The following MTHFD1L variants were observed in gnomAD, a reference collection of about 807,000 sequenced individuals.
The protein encoded by MTHFD1L is methylenetetrahydrofolate dehydrogenase (NADP+ dependent) 1 like.
Under a neutral mutation model 119.5 loss-of-function variants are expected in MTHFD1L, and 81 were observed. The ratio of observed to expected loss-of-function variants is 0.68; its 90% CI spans 0.57 to 0.82. The LOEUF (loss-of-function observed/expected upper bound fraction) is 0.82, where lower values mean the gene tolerates loss of function less well. Among genes scored for constraint, MTHFD1L ranks in the 40% least tolerant of loss-of-function variants. MTHFD1L has a pLI of 0.00. For synonymous variants in MTHFD1L, 430 were observed against 475.2 expected, an observed-to-expected ratio of 0.90 and a Z score of 1.24; for missense variants, 1,125 against 1,253.4, an observed-to-expected ratio of 0.90 and a Z score of 1.55.
intron 26 of MTHFD1L, among the ~76,000 whole-genome samples, chr6:151,047,982 AAG>A (rs1363401890): frequency 4.6e-5 from 7 of 152,270 alleles, no homozygotes; most frequent in Admixed American, 2.0e-4. Context: ...GGCGGCAGGA[AAG>A]AGAGAGAGTG....
Position 151,039,270 on chromosome 6 carries a change from T to C in MTHFD1L, c.2847+2153T>C, listed in dbSNP as rs1234392371. On this transcript the variant is annotated intron_variant, in intron 26 of 27. Transcript: ENST00000367321. The surrounding 1 kb of genome is among the most constrained non-coding windows in gnomAD (Gnocchi z 4.4). ...GGGAGAAGGGCCTGGATGAAATGGGTTCTGAATGACATTTTCAGGTCTACA... is the reference window on the plus strand; with the variant it reads ...GGGAGAAGGGCCTGGATGAAATGGGCTCTGAATGACATTTTCAGGTCTACA... 6.6e-6 allele frequency among the ~76,000 whole-genome samples: 1 copy of C among 152,108 alleles called. No homozygotes were observed. The highest frequency in any genetic ancestry group is 1.5e-5 in the Non-Finnish European group (1 of 68,014).
rs768864281 is a variant in MTHFD1L, at chr6:150,887,918, G to C, written c.717G>C (p.Leu239=). The change falls in exon 7 of 28, where the codon CTG becomes CTC. Residue 239 remains leucine, a synonymous_variant. Coordinates refer to ENST00000367321, the MANE Select transcript of MTHFD1L (RefSeq NM_015440.5). ...HGSLEAALQC[L]FQRKGSMTMS... ...CTTTGGAAGCTGCTCTACAATGCCT[G>C]TTCCAGAGAAAAGGGTCCATGACAA... is the stretch of plus-strand genomic sequence containing the variant. The C allele has an allele frequency of 6.2e-7, 1 of 1,610,974 alleles. No homozygotes were observed. Among genetic ancestry groups the C allele is most frequent in the African/African-American group, 1.3e-5 (1 of 74,836 alleles).
chr6:151,081,809 G>C (rs1784893068), intron 26 of MTHFD1L, among the ~76,000 whole-genome samples: 3 of 152,170 alleles, frequency 2.0e-5, no homozygotes, highest in Admixed American at 1.3e-4. Context: ...TAAATGACAT[G>C]GCACAGCAAG....
chr6:151,041,876 A>G (rs1787172973), intron 26 of MTHFD1L: 1 of 520,046 alleles, frequency 1.9e-6, no homozygotes, highest in Non-Finnish European at 3.9e-6. Context: ...GCTTTGGAAG[A>G]CCCCATGGTG....
At chr6:150,901,891 G>A (rs974033355) in intron 7 of MTHFD1L, among the ~76,000 whole-genome samples, 4 of 152,044 alleles carry the variant, frequency 2.6e-5, no homozygotes, top group Admixed American at 6.6e-5. Flanking sequence ...AACTGTGTTG[G>A]TAACATTTGA....
At chr6:150,924,608 C>A (rs1789605827) in intron 10 of MTHFD1L, among the ~76,000 whole-genome samples, 1 of 152,108 alleles carries the variant, frequency 6.6e-6, no homozygotes, top group Admixed American at 6.5e-5. Context: ...TCCCGAGTAG[C>A]TGGGACTACA....
intron 23 of MTHFD1L, 51 bp downstream of exon 23, chr6:151,015,031 G>A: frequency 2.1e-6 from 3 of 1,442,136 alleles, no homozygotes; most frequent in Non-Finnish European, 2.9e-6. Context: ...AGGCCACCCT[G>A]TGAACGATAT....
chr6:151,022,330 A>T (rs914831102), intron 24 of MTHFD1L: 1 of 227,490 alleles, frequency 4.4e-6, no homozygotes, highest in Admixed American at 5.0e-5. Flanking sequence ...AGCATTTGCA[A>T]CTAGAGCCTC....
chr6:150,917,715 A>G (rs1788219795), intron 8 of MTHFD1L, among the ~76,000 whole-genome samples: 1 of 152,164 alleles, frequency 6.6e-6, no homozygotes. Flanking sequence ...TTTTCACAAA[A>G]TTTTAGGAGG....
intron 7 of MTHFD1L, among the ~76,000 whole-genome samples, chr6:150,901,527 G>C (rs1785098065): frequency 6.6e-6 from 1 of 152,076 alleles, no homozygotes; most frequent in Non-Finnish European, 1.5e-5. Context: ...ATCTGCCGTG[G>C]AGCATAATGT....
intron 7 of MTHFD1L, among the ~76,000 whole-genome samples, chr6:150,901,843 T>A (rs927547767): frequency 1.3e-5 from 2 of 152,252 alleles, no homozygotes; most frequent in Non-Finnish European, 2.9e-5. Context: ...TCTTTTTTAT[T>A]CAGCTGACCC....
intron 19 of MTHFD1L, among the ~76,000 whole-genome samples, chr6:150,969,463 T>C (rs1797720275): frequency 6.7e-6 from 1 of 148,222 alleles, no homozygotes; most frequent in South Asian, 2.1e-4. Flanking sequence ...GCCACTGCAC[T>C]CCAGCCTGGG....
intron 22 of MTHFD1L, 132 bp downstream of exon 22, chr6:151,013,952 C>A: frequency 1.3e-6 from 1 of 743,386 alleles, no homozygotes; most frequent in South Asian, 1.8e-5. Flanking sequence ...GTGACTCACA[C>A]CTGTAATTTC....
chr6:150,877,632 A>G lies in MTHFD1L; in HGVS notation c.313-2A>G. 1 of 1,614,072 alleles carries G rather than the reference A, an allele frequency of 6.2e-7. No homozygotes were observed. The highest frequency in any genetic ancestry group is 8.5e-7 in the Non-Finnish European group (1 of 1,180,020). On this transcript the variant is annotated splice_acceptor_variant, in intron 2 of 27. Transcript: ENST00000367321. LOFTEE classifies it high-confidence loss of function. ...TTGTTATGTTGTTTTTACCTTCCTAAGGCAGGTGACGACAACTTGATGCAG... is the reference window on the plus strand; with the variant it reads ...TTGTTATGTTGTTTTTACCTTCCTAGGGCAGGTGACGACAACTTGATGCAG...
In MTHFD1L at chr6:150,965,768, G is replaced by A. The variant is rs911889354; in HGVS notation, c.2013+731G>A. 9.9e-5 allele frequency among the ~76,000 whole-genome samples: 15 copies of A among 152,094 alleles called. 1 individual carries two copies. The highest frequency in any genetic ancestry group is 3.4e-4 in the African/African-American group (14 of 41,500). ...TAATCTCTCATAATCATTGAGTTGT[G>A]GATTTTTTGGTTTGCTTTTTTATTG... On this transcript the variant is annotated intron_variant, in intron 19 of 27. Transcript: ENST00000367321.
chr6:150,866,712 GC>G, intron 1 of MTHFD1L: 39 of 1,117,372 alleles, frequency 3.5e-5, no homozygotes, highest in Non-Finnish European at 4.0e-5. Context: ...TCGCCGCGCA[GC>G]GCCCACGGAG....
chr6:151,061,656 G>A (rs1790654947), intron 26 of MTHFD1L, among the ~76,000 whole-genome samples: 1 of 152,188 alleles, frequency 6.6e-6, no homozygotes, highest in Non-Finnish European at 1.5e-5. Context: ...GTTCCGTATT[G>A]AGTCTGAGGT....
At position 150,969,512 on chromosome 6, in the gene MTHFD1L, CA is replaced by C. The variant is rs35902929; in HGVS notation, c.2014-2420del. On this transcript the variant is annotated intron_variant, in intron 19 of 27. Transcript: ENST00000367321. Reference sequence around the variant, plus strand: ...CATAAAATAGACTGAGACCCTGCCTCAAAAAAAAAAAAAAAGAGTCCTCAAA... The same window carrying C: ...CATAAAATAGACTGAGACCCTGCCTCAAAAAAAAAAAAAAGAGTCCTCAAA... Among the ~76,000 whole-genome samples, 262 of 126,624 alleles carry C rather than the reference CA, an allele frequency of 2.1e-3. 2 individuals are homozygous for C. The highest frequency in any genetic ancestry group is 0.014 in the South Asian group (52 of 3,844). The allele number at this position is 126,624 out of a possible 152,430, so 83.1% of individuals were successfully genotyped here.
intron 26 of MTHFD1L, among the ~76,000 whole-genome samples, chr6:151,050,185 C>G (rs1200801609): frequency 1.3e-5 from 2 of 152,166 alleles, no homozygotes; most frequent in East Asian, 3.9e-4. Context: ...TTGTTTGAGA[C>G]AGAGTCTCGC....
Sources: gnomAD v4.1 joint callset for allele counts (sites outside exome capture counted in the v4.1 genomes callset) on GRCh38, gnomAD v4.1.1 for gene constraint, Gnocchi (gnomAD v3.1) non-coding constraint, MANE v1.5 for transcripts, NCBI Gene and HGNC (gene_info 2026-07-23, HGNC 2026-07-21) for gene names.